The following ADGRB1 variants were observed in gnomAD, a reference collection of about 807,000 sequenced individuals.
The protein encoded by ADGRB1 is adhesion G protein-coupled receptor B1.
Under a neutral mutation model 175.7 loss-of-function variants are expected in ADGRB1, and 36 were observed. That is an observed-to-expected ratio of 0.20 (90% confidence interval 0.16 to 0.27). ADGRB1 has a LOEUF of 0.27. Ranked by LOEUF, ADGRB1 falls within the 10% of genes least tolerant of loss-of-function variation. The probability of loss-of-function intolerance (pLI) is 1.00; values close to 1 mark genes in which losing one functional copy is unlikely to be tolerated. For missense variants in ADGRB1, 1,731 were observed against 2,255.3 expected (o/e 0.77, Z 4.71); for synonymous variants, 1,054 against 979.4 (o/e 1.08, Z -1.42).
At chr8:142,517,442 G>T (rs538019742) in intron 18 of ADGRB1, among the ~76,000 whole-genome samples, 4 of 152,228 alleles carry the variant, frequency 2.6e-5, no homozygotes, top group African/African-American at 4.8e-5. Flanking sequence ...CCCCCATGCC[G>T]CTGTGGCGGG....
intron 17 of ADGRB1, among the ~76,000 whole-genome samples, chr8:142,496,511 C>T (rs934747586): frequency 6.6e-6 from 1 of 152,172 alleles, no homozygotes; most frequent in Non-Finnish European, 1.5e-5. Context: ...AGGCCAGTAG[C>T]ACACATTGGG....
rs1488941411 is a variant in ADGRB1, at chr8:142,543,557, C to T, written c.4450-44C>T. 2 of 1,575,652 alleles carry T rather than the reference C, an allele frequency of 1.3e-6. No individual in the cohort carries two copies. Among genetic ancestry groups the T allele is most frequent in the Non-Finnish European group, 1.7e-6 (2 of 1,159,572 alleles). On this transcript the variant is annotated intron_variant, in intron 29 of 30. Coordinates refer to ENST00000517894, the MANE Select transcript of ADGRB1 (RefSeq NM_001702.3). The surrounding 1 kb of genome is among the most constrained non-coding windows in gnomAD (Gnocchi z 4.4). ...GGCGGGGCAGGCAGGATGGGCCATG[C>T]CCTCCTCCTGGCCCAGGACTCACTG...
intron 24 of ADGRB1, among the ~76,000 whole-genome samples, chr8:142,528,310 A>G (rs556295122): frequency 7.6e-4 from 116 of 151,950 alleles, no homozygotes; most frequent in Non-Finnish European, 1.4e-3. Flanking sequence ...GAGCGCAGGG[A>G]CCCCTCACTA....
intron 18 of ADGRB1, among the ~76,000 whole-genome samples, chr8:142,514,521 G>A (rs532207486): frequency 4.6e-5 from 7 of 152,308 alleles, no homozygotes; most frequent in African/African-American, 1.2e-4. Flanking sequence ...ATAGTCTGGC[G>A]TGTAGTAAAC....
chr8:142,469,416 AGTGTGTGCAC>A (rs1840483589), intron 2 of ADGRB1, among the ~76,000 whole-genome samples: 1 of 118,732 alleles, frequency 8.4e-6, no homozygotes, highest in Non-Finnish European at 1.7e-5. Flanking sequence ...TGTGAATGTG[AGTGTGTGCAC>A]GTGTGAATGA....
chr8:142,490,913 C>T (rs1187110489), intron 17 of ADGRB1, 98 bp downstream of exon 17: 4 of 1,443,392 alleles, frequency 2.8e-6, no homozygotes, highest in Non-Finnish European at 3.8e-6. Flanking sequence ...GTCTTGTCCA[C>T]TTGCCCCCCA....
rs371629820 is a variant in ADGRB1 at position 142,479,348 on chromosome 8, G to A, written c.1587G>A (p.Ala529=). Residue 529 remains alanine (A), a synonymous_variant, in exon 8 of 31, where the codon GCG becomes GCA. Coordinates refer to ENST00000517894, the MANE Select transcript of ADGRB1 (RefSeq NM_001702.3). ...CPVDGKWQAW[A]SWGSCSVTCG... The stretch of plus-strand genomic sequence containing the variant: ...TGGATGGCAAGTGGCAGGCCTGGGC[G>A]TCATGGGGCAGTTGCAGCGTCACGT... 244 of 1,527,286 alleles carry A rather than the reference G, an allele frequency of 1.6e-4. 1 individual carries two copies. In the East Asian group the frequency reaches 4.9e-3, roughly 30 times the overall value. 94.6% of individuals were successfully genotyped at this position (1,527,286 alleles called of 1,614,324 possible). A position where few individuals can be genotyped will look rare whatever the true frequency, so the allele number is the denominator to read the frequency against.
intron 17 of ADGRB1, among the ~76,000 whole-genome samples, chr8:142,507,282 A>G: frequency 6.6e-6 from 1 of 152,152 alleles, no homozygotes; most frequent in East Asian, 1.9e-4. Context: ...CATGCTGCCA[A>G]GGCCTGTGGA....
In ADGRB1 at chr8:142,510,912, C is replaced by CT; in HGVS notation, c.2676-20_2676-19insT. 2 of 1,078,126 alleles carry CT rather than the reference C, an allele frequency of 1.9e-6. No homozygotes were observed. The highest frequency in any genetic ancestry group is 2.3e-6 in the Non-Finnish European group (2 of 882,938). The allele number at this position is 1,078,126 out of a possible 1,614,324, so 66.8% of individuals were successfully genotyped here. ...GCTGACGCTCCGCCTGTCTCCCTCC[C>CT]GTGTCCCGCCCGCCCCCAGACCCTC... On this transcript the variant is annotated intron_variant, in intron 17 of 30. Coordinates refer to ENST00000517894, the MANE Select transcript of ADGRB1 (RefSeq NM_001702.3). The surrounding 1 kb of genome is among the most constrained non-coding windows in gnomAD (Gnocchi z 6.3).
In ADGRB1 at chr8:142,543,530, C is replaced by G; in HGVS notation, c.4450-71C>G. 4.4e-6 allele frequency: 7 copies of G among 1,595,328 alleles called. No individual in the cohort carries two copies. The highest frequency in any genetic ancestry group is 5.1e-6 in the Non-Finnish European group (6 of 1,170,158). ...AGGCAGCTCCCCGGCAGCCAGGGGA[C>G]GGGCGGGGCAGGCAGGATGGGCCAT... On this transcript the variant is annotated intron_variant, in intron 29 of 30. Coordinates refer to ENST00000517894, the MANE Select transcript of ADGRB1 (RefSeq NM_001702.3). This position sits in a 1 kb window ranked among gnomAD's most constrained non-coding sequence, Gnocchi z 4.4.
rs1843018027 is a variant in ADGRB1 at position 142,510,353 on chromosome 8, G to A, written c.2676-579G>A. Among the ~76,000 whole-genome samples the A allele has an allele frequency of 6.6e-6, 1 of 151,930 alleles. No individual in the cohort carries two copies. On this transcript the variant is annotated intron_variant, in intron 17 of 30. Transcript: ENST00000517894. The surrounding 1 kb of genome is among the most constrained non-coding windows in gnomAD (Gnocchi z 6.3). ...ATGAGCCGCAGGCACCAGGGGTGAT[G>A]AGGCCCGGGGGAGGTGGATGTGGGG...
At chr8:142,536,909 G>A in intron 25 of ADGRB1, 78 bp from the exon 26 acceptor site, 3 of 1,268,622 alleles carry the variant, frequency 2.4e-6, no homozygotes, top group Non-Finnish European at 2.1e-6. Flanking sequence ...CCCCCCCACA[G>A]GTGCTGCTCA....
At chr8:142,501,604 T>C (rs1268470367) in intron 17 of ADGRB1, among the ~76,000 whole-genome samples, 2 of 140,354 alleles carry the variant, frequency 1.4e-5, no homozygotes, top group Non-Finnish European at 3.0e-5. Context: ...GTGGTGGTAG[T>C]GATGACTGTG....
intron 24 of ADGRB1, among the ~76,000 whole-genome samples, chr8:142,529,663 T>C (rs1481948970): frequency 2.0e-5 from 3 of 149,574 alleles, no homozygotes; most frequent in Non-Finnish European, 3.0e-5. Flanking sequence ...TGTGTGAGTG[T>C]GCATCTGTGT....
chr8:142,471,180 A>G (rs1840641797), intron 2 of ADGRB1, among the ~76,000 whole-genome samples: 2 of 152,336 alleles, frequency 1.3e-5, no homozygotes, highest in Non-Finnish European at 2.9e-5. Context: ...TTCAGTCCCC[A>G]TCACAGACAA....
intron 2 of ADGRB1, among the ~76,000 whole-genome samples, chr8:142,469,194 T>C (rs1840454718): frequency 6.6e-6 from 1 of 151,448 alleles, no homozygotes; most frequent in Non-Finnish European, 1.5e-5. Flanking sequence ...TGTGTGCACA[T>C]GTGCATGTGT....
At chr8:142,501,908 A>G (rs145780108) in intron 17 of ADGRB1, among the ~76,000 whole-genome samples, 4,135 of 18,106 alleles carry the variant, frequency 0.23, 540 homozygotes, top group African/African-American at 0.47. Context: ...TGTGGTGGTG[A>G]TGGTGGTGGC....
intron 17 of ADGRB1, among the ~76,000 whole-genome samples, chr8:142,500,214 TTCCCCCCGCGCCGCTCCTCCACC>T: frequency 1.8e-5 from 1 of 54,056 alleles, no homozygotes; most frequent in Admixed American, 1.7e-4. Context: ...GCTCCTCCAC[TTCCCCCCGCGCCGCTCCTCCACC>T]TCCCCACGCG....
chr8:142,511,591 C>T lies in ADGRB1; in HGVS notation c.2817+518C>T, dbSNP rs1228858778. ...AGGCAGGGGCCCTGGCCCAGATCCA[C>T]CGCCCCCCAGGCCTCAGCACCTCGG... On this transcript the variant is annotated intron_variant, in intron 18 of 30. Coordinates refer to ENST00000517894, the MANE Select transcript of ADGRB1 (RefSeq NM_001702.3). This position sits in a 1 kb window ranked among gnomAD's most constrained non-coding sequence, Gnocchi z 4.5. Among the ~76,000 whole-genome samples, 3 of 152,188 alleles carry T rather than the reference C, an allele frequency of 2.0e-5. No homozygotes were observed. Among genetic ancestry groups the T allele is most frequent in the African/African-American group, 7.2e-5 (3 of 41,444 alleles).
Sources: allele counts gnomAD v4.1 joint callset (sites outside exome capture counted in the v4.1 genomes callset), GRCh38; gene constraint gnomAD v4.1.1; non-coding constraint Gnocchi (gnomAD v3.1); transcripts MANE v1.5; gene names NCBI Gene and HGNC (gene_info 2026-07-23, HGNC 2026-07-21).